FLI1: variants seen among roughly 807,000 people sequenced by gnomAD.
The protein encoded by FLI1 is Fli-1 proto-oncogene, ETS transcription factor.
A neutral mutation model predicts 53.1 loss-of-function variants in FLI1; 13 were observed. The observed-to-expected ratio is 0.24, with a 90% CI of 0.16 to 0.39. The LOEUF is 0.39. Ranked by LOEUF, FLI1 falls within the 10% of genes least tolerant of loss-of-function variation. The probability of loss-of-function intolerance (pLI) is 1.00; values close to 1 mark genes in which losing one functional copy is unlikely to be tolerated. For missense variants in FLI1, 424 were observed against 600.5 expected (o/e 0.71, Z 3.07); for synonymous variants, 244 against 236.7 (o/e 1.03, Z -0.28).
rs764505452 is a variant in FLI1 at position 128,772,823 on chromosome 11, G to C, written c.427G>C (p.Glu143Gln). ...ACAGGAGCATGTGAGGCAATGGCTG[G>C]AGTGGGCCATAAAGGAGTACAGCTT... is the stretch of plus-strand genomic sequence containing the variant. ...WTQEHVRQWLEWAIKEYSLME... is the reference protein window; with the variant it reads ...WTQEHVRQWLQWAIKEYSLME... The change falls in exon 4 of 9, where the codon GAG becomes CAG. Residue 143 changes from glutamate to glutamine, a missense_variant. Transcript: ENST00000527786. 1 of 1,614,038 alleles carries C rather than the reference G, an allele frequency of 6.2e-7. No individual in the cohort carries two copies. The highest frequency in any genetic ancestry group is 1.1e-5 in the South Asian group (1 of 91,074).
At chr11:128,732,910 T>A (rs1379318952) in intron 1 of FLI1, among the ~76,000 whole-genome samples, 1 of 152,166 alleles carries the variant, frequency 6.6e-6, no homozygotes, top group Non-Finnish European at 1.5e-5. Context: ...TCTAGAGAAG[T>A]AGAGTCCTTC....
chr11:128,811,579 A>C lies in FLI1; in HGVS notation c.*591A>C, dbSNP rs1942938078. 1.3e-5 allele frequency: 3 copies of C among 222,274 alleles called. No individual in the cohort carries two copies. The Admixed American group carries it at 1.7e-4, about 13-fold the overall frequency. 13.8% of individuals were successfully genotyped at this position (222,274 alleles called of 1,614,324 possible). A position where few individuals can be genotyped will look rare whatever the true frequency, so the allele number is the denominator to read the frequency against. ...CCAAGGGCATTGCAGAATCCCTCTC[A>C]GTGGACAGTATGCACTCAGCTGACC... is the stretch of plus-strand genomic sequence containing the variant. On this transcript the variant is annotated 3_prime_UTR_variant, in exon 9 of 9. Coordinates refer to ENST00000527786, the MANE Select transcript of FLI1 (RefSeq NM_002017.5).
intron 1 of FLI1, among the ~76,000 whole-genome samples, chr11:128,757,100 CTTT>C (rs1814909981): frequency 7.5e-6 from 1 of 133,782 alleles, no homozygotes; most frequent in African/African-American, 2.9e-5. Context: ...TTCTTTCTTT[CTTT>C]CTTTCTTTCT....
chr11:128,752,736 A>C (rs186140964), intron 1 of FLI1, among the ~76,000 whole-genome samples: 1 of 152,234 alleles, frequency 6.6e-6, no homozygotes, highest in Admixed American at 6.5e-5. Flanking sequence ...TAGAATTGCC[A>C]GGAGGATTAA....
intron 3 of FLI1, among the ~76,000 whole-genome samples, chr11:128,770,792 G>T (rs149512606): frequency 2.6e-5 from 4 of 152,312 alleles, no homozygotes; most frequent in East Asian, 1.9e-4. Context: ...ATTCTGAAAA[G>T]GTGCAAAATT....
chr11:128,740,881 G>A (rs1033108227), intron 1 of FLI1, among the ~76,000 whole-genome samples: 3 of 152,208 alleles, frequency 2.0e-5, no homozygotes, highest in African/African-American at 4.8e-5. Context: ...GGGACTAGGT[G>A]AACAGAAAGG....
chr11:128,811,034 C>T lies in FLI1; in HGVS notation c.*46C>T, dbSNP rs765810888. 14 of 1,562,400 alleles carry T rather than the reference C, an allele frequency of 9.0e-6. No homozygotes were observed. The South Asian group carries it at 1.3e-4, about 15-fold the overall frequency. On this transcript the variant is annotated 3_prime_UTR_variant, in exon 9 of 9. Coordinates refer to ENST00000527786, the MANE Select transcript of FLI1 (RefSeq NM_002017.5). The stretch of plus-strand genomic sequence containing the variant: ...TTCTAGCTGAAGCCCATCCTGCACA[C>T]TTACTGGATGCTTTGGACTCAACAG...
chr11:128,734,046 C>T (rs953796803), intron 1 of FLI1, among the ~76,000 whole-genome samples: 2 of 152,200 alleles, frequency 1.3e-5, no homozygotes, highest in Non-Finnish European at 2.9e-5. Flanking sequence ...TTCCCCAGAG[C>T]GCCCAGGGGC....
At chr11:128,745,302 A>G (rs1052891732) in intron 1 of FLI1, among the ~76,000 whole-genome samples, 1 of 152,160 alleles carries the variant, frequency 6.6e-6, no homozygotes, top group African/African-American at 2.4e-5. Context: ...AGCAGAATGA[A>G]ATAGAGCACA....
intron 4 of FLI1, among the ~76,000 whole-genome samples, chr11:128,779,857 A>G (rs494072): frequency 0.69 from 105,308 of 152,192 alleles, 38,120 homozygotes; most frequent in African/African-American, 0.92. Flanking sequence ...AAACCCACAT[A>G]GCATAGCCTA....
chr11:128,685,855 G>T (rs142175049), upstream of FLI1, among the ~76,000 whole-genome samples: 27 of 152,136 alleles, frequency 1.8e-4, no homozygotes, highest in African/African-American at 6.3e-4. Flanking sequence ...GGAGAGATAC[G>T]GCCGCCAGAC....
intron 1 of FLI1, among the ~76,000 whole-genome samples, chr11:128,709,301 A>C (rs1420157124): frequency 6.6e-6 from 1 of 152,228 alleles, no homozygotes; most frequent in Admixed American, 6.5e-5. Context: ...TTATTATCTT[A>C]GTTATTATTC....
At chr11:128,764,921 C>T in intron 2 of FLI1, 1 of 1,295,106 alleles carries the variant, frequency 7.7e-7, no homozygotes, top group Non-Finnish European at 1.1e-6. Context: ...CTAAGGACAC[C>T]CGCCTGCAGG....
At chr11:128,688,686 T>A (rs980403991) in intron 1 of FLI1, among the ~76,000 whole-genome samples, 1 of 148,096 alleles carries the variant, frequency 6.8e-6, no homozygotes, top group Non-Finnish European at 1.5e-5. Flanking sequence ...CACAGAGAGG[T>A]AAAGGAGGTA....
chr11:128,768,538 A>T, intron 3 of FLI1: 1 of 433,824 alleles, frequency 2.3e-6, no homozygotes, highest in Non-Finnish European at 4.3e-6. Context: ...AAAATACAAA[A>T]ATTAGCCAGG....
intron 1 of FLI1, among the ~76,000 whole-genome samples, chr11:128,705,390 A>G (rs919213091): frequency 1.3e-5 from 2 of 152,186 alleles, no homozygotes; most frequent in African/African-American, 4.8e-5. Flanking sequence ...TTATAGCTCA[A>G]TAGAGAACGG....
chr11:128,765,594 G>A (rs141325609), intron 2 of FLI1, among the ~76,000 whole-genome samples: 2 of 152,328 alleles, frequency 1.3e-5, no homozygotes, highest in East Asian at 1.9e-4. Context: ...TGCTCTGGGG[G>A]TCCTCCAAGG....
intron 1 of FLI1, among the ~76,000 whole-genome samples, chr11:128,728,551 G>A (rs1358730886): frequency 1.3e-5 from 2 of 152,196 alleles, no homozygotes; most frequent in African/African-American, 4.8e-5. Context: ...AAATCTCCCT[G>A]AGGCAGGTTC....
In FLI1 at chr11:128,749,000, T is replaced by G. The variant is rs531594481; in HGVS notation, c.19-9115T>G. ...TGGTCCTTGTTTGGTTTTTGTCTGT[T>G]GTTTATTTTGTTTTTGTCGTTTGGA... On this transcript the variant is annotated intron_variant, in intron 1 of 8. Transcript: ENST00000527786. 2.0e-5 allele frequency among the ~76,000 whole-genome samples: 3 copies of G among 152,304 alleles called. No homozygotes were observed. The South Asian group carries it at 6.2e-4, about 32-fold the overall frequency.
Sources: allele counts gnomAD v4.1 joint callset (sites outside exome capture counted in the v4.1 genomes callset), GRCh38; gene constraint gnomAD v4.1.1; transcripts MANE v1.5; gene names NCBI Gene and HGNC (gene_info 2026-07-23, HGNC 2026-07-21).